Variants in IMMP2L observed in about 807,000 individuals in gnomAD.
IMMP2L encodes mitochondrial inner membrane protease subunit 2.
Under a neutral mutation model 19.3 loss-of-function variants are expected in IMMP2L, and 18 were observed. The ratio of observed to expected loss-of-function variants is 0.93; its 90% CI spans 0.64 to 1.38. The LOEUF is 1.38. Ranked by LOEUF, IMMP2L falls within the 40% of genes most tolerant of loss-of-function variation. The probability of loss-of-function intolerance (pLI) is 0.00; values close to 1 mark genes in which losing one functional copy is unlikely to be tolerated. For synonymous variants in IMMP2L, 76 were observed against 73.0 expected (o/e 1.04, Z -0.21); for missense variants, 233 against 218.2 (o/e 1.07, Z -0.43).
chr7:111,178,542 T>G (rs1051600041), intron 3 of IMMP2L, among the ~76,000 whole-genome samples: 1 of 152,218 alleles, frequency 6.6e-6, no homozygotes, highest in South Asian at 2.1e-4. Flanking sequence ...TTACCCACAG[T>G]AGAACTTTTG....
chr7:111,466,750 G>C (rs1344822193), intron 3 of IMMP2L, among the ~76,000 whole-genome samples: 1 of 151,904 alleles, frequency 6.6e-6, no homozygotes, highest in Non-Finnish European at 1.5e-5. Flanking sequence ...AAACATATTT[G>C]GGAAAAAACT....
intron 3 of IMMP2L, chr7:111,122,472 C>G (rs1018947690): frequency 7.9e-6 from 2 of 252,286 alleles, no homozygotes; most frequent in African/African-American, 2.2e-5. Context: ...TATTTTACTT[C>G]TAAATAAATG....
At chr7:110,825,786 T>C (rs200089572) in intron 5 of IMMP2L, among the ~76,000 whole-genome samples, 10 of 151,406 alleles carry the variant, frequency 6.6e-5, no homozygotes, top group Admixed American at 6.6e-5. Flanking sequence ...GGCAACGACT[T>C]CATGTCTAAA....
At position 111,213,678 on chromosome 7, in the gene IMMP2L, T is replaced by C. The variant is rs1811580902; in HGVS notation, c.240-250113A>G. ...GGAACCACTAGCTGTAGGGAGGAGT[T>C]ACCCATTCCAGGCTCTCCTCTCTGC... On this transcript the variant is annotated intron_variant, in intron 3 of 5. Transcript: ENST00000405709. This position sits in a 1 kb window ranked among gnomAD's most constrained non-coding sequence, Gnocchi z 4.8. 6.6e-6 allele frequency among the ~76,000 whole-genome samples: 1 copy of C among 152,144 alleles called. No homozygotes were observed. The highest frequency in any genetic ancestry group is 1.5e-5 in the Non-Finnish European group (1 of 68,022).
At chr7:110,906,183 T>C (rs1461480430) in intron 4 of IMMP2L, among the ~76,000 whole-genome samples, 1 of 152,228 alleles carries the variant, frequency 6.6e-6, no homozygotes, top group Non-Finnish European at 1.5e-5. Flanking sequence ...TTTTTCTTAC[T>C]CATGTTTCAT....
At chr7:111,338,037 C>T (rs1826625056) in intron 3 of IMMP2L, among the ~76,000 whole-genome samples, 1 of 152,056 alleles carries the variant, frequency 6.6e-6, no homozygotes, top group African/African-American at 2.4e-5. Flanking sequence ...TGAAAGGTGG[C>T]AAGTAGGTGA....
intron 2 of IMMP2L, chr7:111,492,443 TG>T (rs1425649439): frequency 1.0e-6 from 1 of 963,550 alleles, no homozygotes; most frequent in Non-Finnish European, 1.2e-6. Context: ...CTGTCAAGAA[TG>T]TTTTTTCCCC....
chr7:111,285,347 C>T (rs1430308113), intron 3 of IMMP2L, among the ~76,000 whole-genome samples: 1 of 152,046 alleles, frequency 6.6e-6, no homozygotes, highest in African/African-American at 2.4e-5. Context: ...AAATAATTAG[C>T]AATGTTTCCT....
rs534213469 is a variant in IMMP2L, at chr7:110,896,048, C to T, written c.306-9353G>A. ...TGTTGCCCAGGCTACTCTTGAACTC[C>T]TAGCCTCTAATCATCCTCCCACCTC... On this transcript the variant is annotated intron_variant, in intron 4 of 5. Transcript: ENST00000405709. 1.9e-3 allele frequency among the ~76,000 whole-genome samples: 282 copies of T among 152,220 alleles called. 1 individual carries two copies. The highest frequency in any genetic ancestry group is 6.3e-3 in the African/African-American group (263 of 41,534).
intron 5 of IMMP2L, among the ~76,000 whole-genome samples, chr7:110,692,115 T>TC (rs1183455270): frequency 2.0e-5 from 3 of 151,530 alleles, no homozygotes; most frequent in East Asian, 1.9e-4. Flanking sequence ...ACATACACAC[T>TC]CCCCCCACAA....
chr7:111,296,611 A>T (rs888998934), intron 3 of IMMP2L, among the ~76,000 whole-genome samples: 2 of 151,952 alleles, frequency 1.3e-5, no homozygotes, highest in Non-Finnish European at 2.9e-5. Flanking sequence ...GAATAGTTAG[A>T]AATTTTCTTT....
intron 3 of IMMP2L, among the ~76,000 whole-genome samples, chr7:111,040,945 G>A (rs1791838208): frequency 6.6e-6 from 1 of 151,752 alleles, no homozygotes; most frequent in Admixed American, 6.6e-5. Flanking sequence ...TAATACTGAT[G>A]CTATTACTTG....
intron 5 of IMMP2L, among the ~76,000 whole-genome samples, chr7:110,813,950 T>A (rs141792166): frequency 2.0e-5 from 3 of 152,116 alleles, no homozygotes; most frequent in African/African-American, 7.2e-5. Context: ...CTCAACTAAT[T>A]TCCTGGACAG....
At chr7:110,957,203 TACA>T (rs1818441031) in intron 4 of IMMP2L, among the ~76,000 whole-genome samples, 1 of 151,938 alleles carries the variant, frequency 6.6e-6, no homozygotes, top group Admixed American at 6.6e-5. Context: ...TCTCATCTTT[TACA>T]ACATTTATTT....
intron 3 of IMMP2L, among the ~76,000 whole-genome samples, chr7:111,387,893 C>T (rs1831928911): frequency 6.8e-6 from 1 of 148,050 alleles, no homozygotes; most frequent in African/African-American, 2.5e-5. Context: ...GGGGAATCAC[C>T]TGAAACCAGG....
intron 5 of IMMP2L, among the ~76,000 whole-genome samples, chr7:110,745,087 G>A (rs775696522): frequency 5.2e-4 from 79 of 152,134 alleles, no homozygotes; most frequent in Non-Finnish European, 9.4e-4. Context: ...AACATAGTAC[G>A]AGAATTTCGT....
At chr7:111,242,161 G>A (rs966948233) in intron 3 of IMMP2L, among the ~76,000 whole-genome samples, 8 of 152,116 alleles carry the variant, frequency 5.3e-5, no homozygotes, top group African/African-American at 1.9e-4. Flanking sequence ...TCCTGAATAT[G>A]CTTTAGGAAA....
At position 110,877,955 on chromosome 7, in the gene IMMP2L, T is replaced by C. The variant is rs1459399148; in HGVS notation, c.408+8638A>G. On this transcript the variant is annotated intron_variant, in intron 5 of 5. Coordinates refer to ENST00000405709, the MANE Select transcript of IMMP2L (RefSeq NM_032549.4). The surrounding 1 kb of genome is among the most constrained non-coding windows in gnomAD (Gnocchi z 4.0). ...CACAATGGATTGATTCCAAATGCCA[T>C]GAAACTTCACCAGTTGATCACAGGC... is the stretch of plus-strand genomic sequence containing the variant. Among the ~76,000 whole-genome samples the C allele has an allele frequency of 7.9e-5, 12 of 152,100 alleles. No individual in the cohort carries two copies. The highest frequency in any genetic ancestry group is 7.9e-4 in the Admixed American group (12 of 15,258).
At chr7:110,838,888 A>C (rs1308617635) in intron 5 of IMMP2L, among the ~76,000 whole-genome samples, 6 of 152,080 alleles carry the variant, frequency 3.9e-5, no homozygotes, top group Non-Finnish European at 8.8e-5. Flanking sequence ...TCTGACTGCC[A>C]TTCAGCTGTT....
Sources: gnomAD v4.1 joint callset for allele counts (sites outside exome capture counted in the v4.1 genomes callset) on GRCh38, gnomAD v4.1.1 for gene constraint, Gnocchi (gnomAD v3.1) non-coding constraint, MANE v1.5 for transcripts, NCBI Gene and HGNC (gene_info 2026-07-23, HGNC 2026-07-21) for gene names.